Variants in FAM184A observed in about 807,000 individuals in gnomAD.
FAM184A encodes family with sequence similarity 184 member A.
FAM184A carries 99 observed loss-of-function variants against 143.8 expected under a neutral mutation model. The observed-to-expected ratio is 0.69, with a 90% CI of 0.58 to 0.81. FAM184A has a LOEUF of 0.81. Among genes scored for constraint, FAM184A ranks in the 40% least tolerant of loss-of-function variants. The probability of loss-of-function intolerance (pLI) is 0.00; values close to 1 mark genes in which losing one functional copy is unlikely to be tolerated. For synonymous variants in FAM184A, 427 were observed against 446.4 expected, an observed-to-expected ratio of 0.96 and a Z score of 0.55; for missense variants, 1,217 against 1,310.5, an observed-to-expected ratio of 0.93 and a Z score of 1.10.
At chr6:119,107,802 A>G (rs1202016661) in intron 1 of FAM184A, among the ~76,000 whole-genome samples, 22 of 150,290 alleles carry the variant, frequency 1.5e-4, no homozygotes, top group Admixed American at 1.3e-3. Context: ...AAAAGAAAGA[A>G]AAGAACAGAG....
chr6:119,039,648 A>G (rs926657914), intron 1 of FAM184A, among the ~76,000 whole-genome samples: 2 of 152,208 alleles, frequency 1.3e-5, no homozygotes, highest in Non-Finnish European at 2.9e-5. Context: ...GCAGTGTTAC[A>G]GGTATCATAG....
intron 14 of FAM184A, among the ~76,000 whole-genome samples, chr6:118,971,014 T>C (rs993970205): frequency 5.3e-5 from 8 of 152,208 alleles, no homozygotes; most frequent in Non-Finnish European, 8.8e-5. Context: ...AACCAAACAA[T>C]AGTATATTAT....
chr6:119,113,360 C>T (rs1788980288), intron 1 of FAM184A, among the ~76,000 whole-genome samples: 8 of 152,120 alleles, frequency 5.3e-5, no homozygotes, highest in Admixed American at 3.9e-4. Context: ...TCCTGAGTTA[C>T]GGGTTGTCAT....
At chr6:119,135,978 A>AT (rs1300302157) in intron 1 of FAM184A, among the ~76,000 whole-genome samples, 1 of 151,596 alleles carries the variant, frequency 6.6e-6, no homozygotes, top group African/African-American at 2.4e-5. Context: ...CAAAAAAAAA[A>AT]GCAGAAAGAA....
At chr6:119,022,601 G>A (rs1047314546) in intron 3 of FAM184A, among the ~76,000 whole-genome samples, 3 of 152,080 alleles carry the variant, frequency 2.0e-5, no homozygotes, top group Admixed American at 1.3e-4. Context: ...GGGGCCGAGC[G>A]TGGTGGCTCA....
chr6:119,107,017 A>G (rs540049199), intron 1 of FAM184A, among the ~76,000 whole-genome samples: 3 of 152,352 alleles, frequency 2.0e-5, no homozygotes, highest in African/African-American at 4.8e-5. Context: ...TAGGCCATAT[A>G]TTACTTTCAC....
chr6:118,996,895 T>G (rs1784579953), intron 9 of FAM184A, among the ~76,000 whole-genome samples: 1 of 151,220 alleles, frequency 6.6e-6, no homozygotes, highest in Non-Finnish European at 1.5e-5. Flanking sequence ...TTTTTTTTTT[T>G]TGTACTTTTT....
At chr6:118,998,080 A>G (rs1450429109) in intron 9 of FAM184A, among the ~76,000 whole-genome samples, 1 of 152,158 alleles carries the variant, frequency 6.6e-6, no homozygotes, top group Admixed American at 6.5e-5. Context: ...CTAAGAGAAA[A>G]CTTACCATCT....
intron 1 of FAM184A, among the ~76,000 whole-genome samples, chr6:119,146,526 G>T (rs1361628453): frequency 2.0e-5 from 3 of 151,618 alleles, no homozygotes; most frequent in Non-Finnish European, 4.4e-5. Flanking sequence ...GAACTCCTGG[G>T]CTCAAGCGAT....
chr6:119,093,980 T>C (rs1008819651), intron 1 of FAM184A, among the ~76,000 whole-genome samples: 7 of 151,044 alleles, frequency 4.6e-5, no homozygotes, highest in African/African-American at 1.5e-4. Flanking sequence ...TTTCCTTCCT[T>C]CCTTCCTCCC....
intron 1 of FAM184A, among the ~76,000 whole-genome samples, chr6:119,101,832 C>T (rs572261191): frequency 6.6e-6 from 1 of 152,110 alleles, no homozygotes; most frequent in East Asian, 1.9e-4. Flanking sequence ...GAGGTGGGCA[C>T]ATCACCCGAG....
At chr6:119,064,777 T>C (rs1281662604) in intron 1 of FAM184A, among the ~76,000 whole-genome samples, 1 of 152,202 alleles carries the variant, frequency 6.6e-6, no homozygotes, top group Admixed American at 6.5e-5. Context: ...AGATGTCTTA[T>C]GGATGCTTTC....
chr6:118,975,008 G>A lies in FAM184A; in HGVS notation c.2768+16C>T. 1 of 1,595,962 alleles carries A rather than the reference G, an allele frequency of 6.3e-7. No homozygotes were observed. Among genetic ancestry groups the A allele is most frequent in the South Asian group, 1.1e-5 (1 of 89,486 alleles). On this transcript the variant is annotated intron_variant, in intron 13 of 17. Transcript: ENST00000338891. ...GATGACACTGCATATTCCTTCTGTT[G>A]TACTTAATGGCATACCTTATCTGTT...
intron 7 of FAM184A, among the ~76,000 whole-genome samples, chr6:119,004,654 A>T (rs1162148816): frequency 1.3e-5 from 2 of 152,200 alleles, no homozygotes; most frequent in Non-Finnish European, 2.9e-5. Flanking sequence ...GGTACCAAAA[A>T]AACACTTGGT....
chr6:119,039,457 G>A (rs1397080992), intron 1 of FAM184A, among the ~76,000 whole-genome samples: 6 of 152,188 alleles, frequency 3.9e-5, no homozygotes, highest in Non-Finnish European at 5.9e-5. Flanking sequence ...AGAAATGAAC[G>A]ATCAAGCCAT....
chr6:119,050,476 A>C (rs1302781458), intron 1 of FAM184A, among the ~76,000 whole-genome samples: 2 of 150,476 alleles, frequency 1.3e-5, no homozygotes, highest in African/African-American at 4.9e-5. Context: ...AAAAGGGTAC[A>C]TATACACCAC....
chr6:118,970,596 C>G (rs952479109), intron 14 of FAM184A, among the ~76,000 whole-genome samples: 3 of 152,008 alleles, frequency 2.0e-5, no homozygotes, highest in Admixed American at 6.6e-5. Flanking sequence ...AGAAATGACC[C>G]AATTCCCAAG....
intron 1 of FAM184A, among the ~76,000 whole-genome samples, chr6:119,123,272 C>T (rs1331867886): frequency 1.3e-5 from 2 of 151,914 alleles, no homozygotes; most frequent in African/African-American, 4.8e-5. Context: ...GCCTGTAATC[C>T]TATCTACTAG....
chr6:119,079,476 C>A (rs1003421619), upstream of FAM184A, among the ~76,000 whole-genome samples: 2 of 152,172 alleles, frequency 1.3e-5, no homozygotes, highest in East Asian at 3.8e-4. Context: ...TGTGCATTTT[C>A]GCCTTCATAA....
Sources: gnomAD v4.1 joint callset for allele counts (sites outside exome capture counted in the v4.1 genomes callset) on GRCh38, gnomAD v4.1.1 for gene constraint, MANE v1.5 for transcripts, NCBI Gene and HGNC (gene_info 2026-07-23, HGNC 2026-07-21) for gene names.